The following PCDH15 variants were observed in gnomAD, a reference collection of about 807,000 sequenced individuals.
PCDH15 encodes protocadherin-15.
PCDH15 carries 129 observed loss-of-function variants against 178.5 expected under a neutral mutation model. That is an observed-to-expected ratio of 0.72 (90% CI 0.63 to 0.84). The LOEUF (loss-of-function observed/expected upper bound fraction) is 0.84. Among genes scored for constraint, PCDH15 ranks in the 40% least tolerant of loss-of-function variants. PCDH15 has a pLI of 0.00. For missense variants in PCDH15, 2,230 were observed against 2,099.9 expected (o/e 1.06, Z -1.21); for synonymous variants, 800 against 732.0 (o/e 1.09, Z -1.50).
At chr10:54,041,324 A>C (rs1438046632) in intron 18 of PCDH15, among the ~76,000 whole-genome samples, 1 of 152,062 alleles carries the variant, frequency 6.6e-6, no homozygotes, top group Non-Finnish European at 1.5e-5. Context: ...GTTTGATTTG[A>C]CTTAACCATA....
At chr10:55,156,734 G>C (rs1838901177) in intron 2 of PCDH15, among the ~76,000 whole-genome samples, 1 of 152,048 alleles carries the variant, frequency 6.6e-6, no homozygotes, top group African/African-American at 2.4e-5. Flanking sequence ...ATTCCAGAGG[G>C]GGAGTTTGTA....
chr10:54,731,986 T>A (rs528122947), intron 1 of PCDH15, among the ~76,000 whole-genome samples: 2 of 151,406 alleles, frequency 1.3e-5, no homozygotes, highest in South Asian at 2.1e-4. Context: ...ATTTAATGGA[T>A]ATCTCAATTA....
intron 3 of PCDH15, among the ~76,000 whole-genome samples, chr10:54,812,427 C>T (rs77873393): frequency 0.087 from 13,229 of 151,890 alleles, 645 homozygotes; most frequent in South Asian, 0.14. Context: ...CGTGCCACCA[C>T]ACCCAACTAA....
chr10:54,095,568 C>T (rs1214642785), intron 15 of PCDH15, among the ~76,000 whole-genome samples: 1 of 152,044 alleles, frequency 6.6e-6, no homozygotes, highest in African/African-American at 2.4e-5. Flanking sequence ...TAAAACAGCT[C>T]TTTTTCTTAC....
intron 1 of PCDH15, among the ~76,000 whole-genome samples, chr10:54,768,618 C>T (rs1948764217): frequency 6.6e-6 from 1 of 152,108 alleles, no homozygotes; most frequent in South Asian, 2.1e-4. Context: ...AAGTGAAGGA[C>T]ACCCCATATC....
intron 2 of PCDH15, among the ~76,000 whole-genome samples, chr10:54,563,392 A>T (rs949508049): frequency 6.6e-6 from 1 of 152,042 alleles, no homozygotes; most frequent in Non-Finnish European, 1.5e-5. Flanking sequence ...TACATGAGTA[A>T]TTGCCTAAGT....
intron 8 of PCDH15, among the ~76,000 whole-genome samples, chr10:54,279,213 T>A (rs1263190667): frequency 6.6e-6 from 1 of 151,570 alleles, no homozygotes; most frequent in African/African-American, 2.4e-5. Flanking sequence ...CTGGGCAGCT[T>A]TTTGTGGGCA....
chr10:54,956,259 A>G (rs1396269087), intron 2 of PCDH15, among the ~76,000 whole-genome samples: 1 of 151,494 alleles, frequency 6.6e-6, no homozygotes, highest in East Asian at 1.9e-4. Flanking sequence ...TGTTTTTCAT[A>G]ACAGGACTTG....
At chr10:54,307,135 TATATATATATATATAA>T (rs2060605274) in intron 8 of PCDH15, among the ~76,000 whole-genome samples, 1 of 82,714 alleles carries the variant, frequency 1.2e-5, no homozygotes. Context: ...TATATATATA[TATATATATATATATAA>T]AATTGCTTCA....
At chr10:55,075,874 T>C (rs971465353) in intron 2 of PCDH15, among the ~76,000 whole-genome samples, 12 of 152,158 alleles carry the variant, frequency 7.9e-5, no homozygotes, top group Non-Finnish European at 1.5e-4. Flanking sequence ...GTATTCAGTG[T>C]TATAAACTAT....
intron 2 of PCDH15, among the ~76,000 whole-genome samples, chr10:55,030,433 A>T (rs1018897125): frequency 6.6e-6 from 1 of 152,184 alleles, no homozygotes; most frequent in Admixed American, 6.5e-5. Flanking sequence ...TCTAAGATTA[A>T]AATGAGCTGC....
intron 13 of PCDH15, among the ~76,000 whole-genome samples, chr10:54,166,716 G>A (rs1400895616): frequency 4.6e-5 from 7 of 152,166 alleles, no homozygotes; most frequent in Non-Finnish European, 8.8e-5. Context: ...CGCATCCCCT[G>A]TGACTTGCAC....
chr10:55,066,847 C>T (rs547264213), intron 2 of PCDH15, among the ~76,000 whole-genome samples: 4 of 151,162 alleles, frequency 2.6e-5, no homozygotes, highest in African/African-American at 9.7e-5. Flanking sequence ...TTCTAATGTT[C>T]GATAGCAGAC....
At chr10:53,996,460 T>C (rs1241289741) in intron 20 of PCDH15, among the ~76,000 whole-genome samples, 1 of 152,174 alleles carries the variant, frequency 6.6e-6, no homozygotes, top group Non-Finnish European at 1.5e-5. Flanking sequence ...AGTTATCAGG[T>C]ATTTCCCACT....
chr10:54,741,100 G>A (rs1488941917), intron 1 of PCDH15, among the ~76,000 whole-genome samples: 1 of 151,606 alleles, frequency 6.6e-6, no homozygotes, highest in Non-Finnish European at 1.5e-5. Context: ...CACATTGTAT[G>A]CATGTATCAA....
chr10:54,119,585 T>A (rs1284639702), intron 15 of PCDH15, among the ~76,000 whole-genome samples: 1 of 151,964 alleles, frequency 6.6e-6, no homozygotes, highest in African/African-American at 2.4e-5. Flanking sequence ...GAGGGAAAAA[T>A]TCAAGAAAAT....
chr10:55,493,321 C>G (rs1840463423), intron 2 of PCDH15, among the ~76,000 whole-genome samples: 1 of 149,546 alleles, frequency 6.7e-6, no homozygotes, highest in Non-Finnish European at 1.5e-5. Context: ...TTTGGGAGGA[C>G]AAGGTGGGTG....
At chr10:54,780,451 C>T (rs796457923) in intron 1 of PCDH15, among the ~76,000 whole-genome samples, 3 of 152,074 alleles carry the variant, frequency 2.0e-5, no homozygotes, top group Non-Finnish European at 4.4e-5. Flanking sequence ...CAAGAGGAGA[C>T]GTGAAACCCG....
intron 1 of PCDH15, among the ~76,000 whole-genome samples, chr10:55,174,369 T>G (rs7092799): frequency 0.48 from 72,443 of 151,926 alleles, 17,520 homozygotes; most frequent in East Asian, 0.68. Context: ...TGAGAACTTC[T>G]ATCCTCATCT....
Sources: gnomAD v4.1 joint callset for allele counts (sites outside exome capture counted in the v4.1 genomes callset) on GRCh38, gnomAD v4.1.1 for gene constraint, MANE v1.5 for transcripts, NCBI Gene and HGNC (gene_info 2026-07-23, HGNC 2026-07-21) for gene names.